Variants in DNAH14 observed in about 807,000 individuals in gnomAD.
DNAH14 encodes the protein dynein axonemal heavy chain 14, also known as axonemal beta dynein heavy chain 14.
In DNAH14, 478 loss-of-function variants were observed where a neutral mutation model predicts 520.9. That is an observed-to-expected ratio of 0.92 (90% confidence interval 0.85 to 0.99). The LOEUF (loss-of-function observed/expected upper bound fraction) is 0.99, where lower values mean the gene tolerates loss of function less well. DNAH14 is among the 50% of genes least tolerant of loss of function. The pLI is 0.00. For missense variants in DNAH14, 4,831 were observed against 5,234.5 expected (o/e 0.92, Z 2.38); for synonymous variants, 1,581 against 1,757.2 (o/e 0.90, Z 2.51).
intron 4 of DNAH14, among the ~76,000 whole-genome samples, chr1:224,963,155 C>A (rs775801477): frequency 2.0e-5 from 3 of 151,884 alleles, no homozygotes; most frequent in Non-Finnish European, 4.4e-5. Context: ...ATTAAGAATT[C>A]TTGAAATATT....
At chr1:225,077,612 A>G (rs1251049390) in intron 17 of DNAH14, among the ~76,000 whole-genome samples, 1 of 152,186 alleles carries the variant, frequency 6.6e-6, no homozygotes, top group East Asian at 1.9e-4. Context: ...TTGTAAGTCT[A>G]TTACTGAATT....
intron 17 of DNAH14, among the ~76,000 whole-genome samples, chr1:225,074,506 G>A (rs796334562): frequency 1.1e-4 from 17 of 152,260 alleles, no homozygotes; most frequent in African/African-American, 4.1e-4. Context: ...AAGCCAGTAG[G>A]CTGGAATGGC....
Position 225,308,633 on chromosome 1 carries a change from A to G in DNAH14, c.9240+223A>G, listed in dbSNP as rs571952429. ...AACATGCATGGTCCCTGTCCTTGAG[A>G]AACCCACAATCCTAGGAAGCTTTTC... On this transcript the variant is annotated intron_variant, in intron 60 of 85. Transcript: ENST00000682510. Among the ~76,000 whole-genome samples the G allele has an allele frequency of 2.0e-5, 3 of 152,296 alleles. No individual in the cohort carries two copies. In the South Asian group the frequency reaches 6.2e-4, roughly 32 times the overall value.
intron 17 of DNAH14, among the ~76,000 whole-genome samples, chr1:225,063,245 C>A (rs938923889): frequency 4.6e-5 from 7 of 152,134 alleles, no homozygotes; most frequent in African/African-American, 1.4e-4. Flanking sequence ...ATACTCAAGT[C>A]CCTTATGTAA....
chr1:225,293,214 A>G (rs980624041), intron 55 of DNAH14, among the ~76,000 whole-genome samples: 1 of 152,200 alleles, frequency 6.6e-6, no homozygotes, highest in Non-Finnish European at 1.5e-5. Flanking sequence ...ATGCTTATAC[A>G]TGGTTGGTGG....
intron 41 of DNAH14, among the ~76,000 whole-genome samples, chr1:225,222,658 C>A (rs1310236472): frequency 6.6e-6 from 1 of 152,158 alleles, no homozygotes; most frequent in African/African-American, 2.4e-5. Context: ...TGCATTTTTA[C>A]AGAACACTGG....
At chr1:225,294,554 C>T (rs1013519054) in intron 55 of DNAH14, among the ~76,000 whole-genome samples, 8 of 152,134 alleles carry the variant, frequency 5.3e-5, no homozygotes, top group African/African-American at 1.7e-4. Flanking sequence ...GGAGCAGTGG[C>T]TCATGCCTGT....
intron 1 of DNAH14, among the ~76,000 whole-genome samples, chr1:224,932,955 A>C (rs914554705): frequency 2.0e-5 from 3 of 151,876 alleles, no homozygotes; most frequent in Non-Finnish European, 4.4e-5. Context: ...TTTTTTTCTA[A>C]TTCTGTGAAG....
chr1:225,004,899 C>T (rs1033846113), intron 9 of DNAH14, among the ~76,000 whole-genome samples: 2 of 152,066 alleles, frequency 1.3e-5, no homozygotes, highest in African/African-American at 4.8e-5. Context: ...GGTGGTCATA[C>T]GTGTACTCTG....
chr1:225,375,899 C>T (rs970353609), intron 78 of DNAH14, among the ~76,000 whole-genome samples: 2 of 151,850 alleles, frequency 1.3e-5, no homozygotes, highest in Non-Finnish European at 2.9e-5. Flanking sequence ...GCAGCCTGGC[C>T]AACATGATGA....
chr1:225,245,886 A>G (rs2092253374), intron 43 of DNAH14, among the ~76,000 whole-genome samples: 1 of 152,172 alleles, frequency 6.6e-6, no homozygotes, highest in South Asian at 2.1e-4. Flanking sequence ...TAAATTTCAT[A>G]TGGAACCAAA....
chr1:224,970,587 A>G (rs1021484528), intron 7 of DNAH14, among the ~76,000 whole-genome samples: 2 of 152,102 alleles, frequency 1.3e-5, no homozygotes, highest in South Asian at 4.1e-4. Context: ...CCGGACACCC[A>G]GCTTTAAAAT....
chr1:224,960,810 C>T (rs954945202), intron 4 of DNAH14, among the ~76,000 whole-genome samples: 4 of 152,090 alleles, frequency 2.6e-5, no homozygotes, highest in Non-Finnish European at 5.9e-5. Context: ...CACCATGGTA[C>T]AGAGGTGGAT....
intron 36 of DNAH14, among the ~76,000 whole-genome samples, chr1:225,183,007 T>C (rs2084232473): frequency 6.6e-6 from 1 of 152,156 alleles, no homozygotes; most frequent in African/African-American, 2.4e-5. Flanking sequence ...GCAGCAGCTA[T>C]GCAGAGCCCA....
chr1:225,014,680 T>C (rs1379701673), intron 10 of DNAH14, among the ~76,000 whole-genome samples: 1 of 152,226 alleles, frequency 6.6e-6, no homozygotes, highest in Non-Finnish European at 1.5e-5. Context: ...GATATGATTT[T>C]AATTTCTGAA....
At chr1:225,159,286 CTG>C (rs756438767) in intron 34 of DNAH14, 26 bp from the exon 35 acceptor site, 2 of 1,538,548 alleles carry the variant, frequency 1.3e-6, no homozygotes, top group East Asian at 2.5e-5. Flanking sequence ...AATTTGTTCT[CTG>C]TGTTTGTTTT....
rs932845004 is a variant in DNAH14 at position 225,265,368 on chromosome 1, G to C, written c.7409G>C (p.Arg2470Pro). 9.1e-6 allele frequency: 14 copies of C among 1,531,708 alleles called. No individual in the cohort carries two copies. In the Admixed American group the frequency reaches 2.0e-4, roughly 22 times the overall value. The allele number at this position is 1,531,708 out of a possible 1,614,324, so 94.9% of individuals were successfully genotyped here. The change falls in exon 48 of 86, where the codon CGG (arginine) becomes CCG (proline). Residue 2470 changes from arginine (R) to proline (P), a missense_variant and splice_region_variant. Physicochemically the swap from Arg to Pro is moderately radical, Grantham distance 103. Coordinates refer to ENST00000682510, the MANE Select transcript of DNAH14 (RefSeq NM_001367479.1). ...ACTCTTGGAGCACCAAAAAACAACC[G>C]GGTAAAACACCTCTCATACCTGTTC... ...KDTLGAPKNN[R>P]ILIFIDDMNM...
chr1:225,233,661 A>C (rs2091325226), intron 42 of DNAH14, among the ~76,000 whole-genome samples: 1 of 151,484 alleles, frequency 6.6e-6, no homozygotes, highest in Non-Finnish European at 1.5e-5. Context: ...AATCAGCCTA[A>C]CTTCCTTGTA....
chr1:224,946,096 A>C lies in DNAH14; in HGVS notation c.-33-6574A>C, dbSNP rs570007076. 4.1e-3 allele frequency among the ~76,000 whole-genome samples: 619 copies of C among 152,310 alleles called. 1 individual carries two copies. Among genetic ancestry groups the C allele is most frequent in the Non-Finnish European group, 6.8e-3 (462 of 68,028 alleles). On this transcript the variant is annotated intron_variant, in intron 1 of 85. Transcript: ENST00000682510. Reference sequence around the variant, plus strand: ...TGCCCTGCCCCCAGAGGTGGAGTCTACAGAGGCAGGCAGGCAGCCCTCTTT... The same window carrying C: ...TGCCCTGCCCCCAGAGGTGGAGTCTCCAGAGGCAGGCAGGCAGCCCTCTTT...
Sources: allele counts gnomAD v4.1 joint callset (sites outside exome capture counted in the v4.1 genomes callset), GRCh38; gene constraint gnomAD v4.1.1; transcripts MANE v1.5; gene names NCBI Gene and HGNC (gene_info 2026-07-23, HGNC 2026-07-21).